Variants in PRPF18 observed in about 807,000 individuals in gnomAD.
PRPF18 encodes the protein pre-mRNA-splicing factor 18.
PRPF18 carries 38 observed loss-of-function variants against 46.5 expected under a neutral mutation model. The observed-to-expected ratio is 0.82, with a 90% CI of 0.63 to 1.07. The LOEUF (loss-of-function observed/expected upper bound fraction) is 1.07. Among genes scored for constraint, PRPF18 ranks in the 50% least tolerant of loss-of-function variants. PRPF18 has a pLI of 0.00. For synonymous variants in PRPF18, 152 were observed against 146.7 expected (o/e 1.04, Z -0.26); for missense variants, 263 against 410.0 (o/e 0.64, Z 3.10).
At chr10:13,592,597 C>T (rs1016807570) in intron 1 of PRPF18, among the ~76,000 whole-genome samples, 1 of 152,194 alleles carries the variant, frequency 6.6e-6, no homozygotes. Context: ...TATCCTCTTA[C>T]CACCTGTCCT....
intron 1 of PRPF18, among the ~76,000 whole-genome samples, chr10:13,590,416 T>G (rs1157932952): frequency 6.8e-6 from 1 of 146,138 alleles, no homozygotes; most frequent in Non-Finnish European, 1.5e-5. Flanking sequence ...GCTAACACGG[T>G]GAAACCCCAT....
the PRPF18 span, among the ~76,000 whole-genome samples, chr10:13,648,402 G>A: frequency 3.9e-5 from 6 of 152,222 alleles, no homozygotes; most frequent in South Asian, 2.1e-4. Context: ...GGCCTTGCAG[G>A]GGTCCTATGT....
At chr10:13,642,077 T>TTTGCTGGGAGCAC in the PRPF18 span, 1 of 152,082 alleles carries the variant, frequency 6.6e-6, no homozygotes. Context: ...GCTGGGAGCA[T>TTTGCTGGGAGCAC]GACTTTGTGC....
chr10:13,641,023 T>C, the PRPF18 span: 1 of 152,272 alleles, frequency 6.6e-6, no homozygotes, highest in African/African-American at 2.4e-5. Context: ...CCTCCAAATC[T>C]ACCAGCATCT....
intron 1 of PRPF18, chr10:13,591,924 G>C: frequency 7.6e-7 from 1 of 1,311,936 alleles, no homozygotes. Context: ...CGTGTCAACT[G>C]AGGGTTTTTT....
In PRPF18 at chr10:13,624,746, C is replaced by T. The variant is rs530987010; in HGVS notation, c.949-5514C>T. Among the ~76,000 whole-genome samples, 4 of 152,308 alleles carry T rather than the reference C, an allele frequency of 2.6e-5. No individual in the cohort carries two copies. The East Asian group carries it at 7.7e-4, about 29-fold the overall frequency. On this transcript the variant is annotated intron_variant, in intron 9 of 9. Coordinates refer to ENST00000378572, the MANE Select transcript of PRPF18 (RefSeq NM_003675.4). ...GGAGGATTCTGCTCTGTGAAACTGA[C>T]CCAAGAGAAAGCATCTGAGTTACTA...
Position 13,610,166 on chromosome 10 carries a change from C to T in PRPF18, c.491C>T (p.Thr164Ile), listed in dbSNP as rs1274624689. 6.2e-7 allele frequency: 1 copy of T among 1,613,896 alleles called. No homozygotes were observed. Among genetic ancestry groups the T allele is most frequent in the African/African-American group, 1.3e-5 (1 of 74,908 alleles). ...GATCTGAAAGTTCATGAGGAAAACA[C>T]CACAATTGAAGAGTTAGAGGTAATC... Reference protein sequence around the residue: ...QNDLKVHEENTTIEELEALGE... With the variant: ...QNDLKVHEENITIEELEALGE... The change falls in exon 5 of 10, where the codon ACC (threonine) becomes ATC (isoleucine). Residue 164 changes from threonine (T) to isoleucine (I), a missense_variant. Thr to Ile is a moderately conservative substitution (Grantham distance 89, BLOSUM62 -1). Transcript: ENST00000378572.
chr10:13,644,456 A>T, the PRPF18 span: 1 of 152,242 alleles, frequency 6.6e-6, no homozygotes, highest in African/African-American at 2.4e-5. Flanking sequence ...TGTTTTACTT[A>T]ATCTCTGTCT....
At chr10:13,587,315 C>A in intron 1 of PRPF18, 163 bp downstream of exon 1, 1 of 722,788 alleles carries the variant, frequency 1.4e-6, no homozygotes. Flanking sequence ...CAACCCTTGG[C>A]GTCTCACTGT....
At chr10:13,603,525 C>A (rs937222641) in intron 3 of PRPF18, among the ~76,000 whole-genome samples, 3 of 152,172 alleles carry the variant, frequency 2.0e-5, no homozygotes, top group African/African-American at 4.8e-5. Flanking sequence ...AGCACCCAAT[C>A]TTAAGCAGTG....
intron 6 of PRPF18, 92 bp from the exon 7 acceptor site, chr10:13,613,649 G>T: frequency 7.7e-7 from 1 of 1,300,468 alleles, no homozygotes; most frequent in South Asian, 1.5e-5. Context: ...CTTTAAGGAT[G>T]ATTGTATTCT....
intron 2 of PRPF18, among the ~76,000 whole-genome samples, chr10:13,599,298 G>A (rs1020864154): frequency 2.6e-5 from 4 of 151,990 alleles, no homozygotes; most frequent in East Asian, 1.9e-4. Context: ...AATTAGTTAC[G>A]GTAAACATAA....
intron 3 of PRPF18, 82 bp downstream of exon 3, chr10:13,600,430 C>T (rs1394305031): frequency 2.2e-5 from 23 of 1,049,748 alleles, no homozygotes; most frequent in East Asian, 8.1e-5. Flanking sequence ...ATAAGTTAAA[C>T]GTCATTATTT....
intron 4 of PRPF18, among the ~76,000 whole-genome samples, chr10:13,608,062 C>G (rs1171315587): frequency 6.6e-6 from 1 of 152,202 alleles, no homozygotes; most frequent in Non-Finnish European, 1.5e-5. Flanking sequence ...TACTCCAAAA[C>G]TTACTAGTGT....
At chr10:13,613,335 G>C (rs2080298257) in intron 6 of PRPF18, among the ~76,000 whole-genome samples, 1 of 152,100 alleles carries the variant, frequency 6.6e-6, no homozygotes, top group South Asian at 2.1e-4. Flanking sequence ...GTGCTTTCAT[G>C]GTTTTTAAAC....
At chr10:13,629,536 A>G (rs2080562293) in intron 9 of PRPF18, among the ~76,000 whole-genome samples, 1 of 152,220 alleles carries the variant, frequency 6.6e-6, no homozygotes, top group Admixed American at 6.5e-5. Flanking sequence ...ATTACCTTGC[A>G]CTTAAGTTTG....
the PRPF18 span, chr10:13,639,899 G>C: frequency 6.6e-6 from 1 of 152,226 alleles, no homozygotes; most frequent in Non-Finnish European, 1.5e-5. Flanking sequence ...TTTGCTTTCT[G>C]TTTCTAACAA....
the PRPF18 span, chr10:13,654,344 T>G: frequency 7.1e-6 from 7 of 987,030 alleles, no homozygotes; most frequent in Admixed American, 8.4e-5. Context: ...CATATCCTTA[T>G]GTCACCAGGA....
the PRPF18 span, chr10:13,643,497 G>A: frequency 1.3e-5 from 2 of 152,316 alleles, no homozygotes; most frequent in African/African-American, 2.4e-5. Flanking sequence ...GTTAACAGAA[G>A]GAAACTAGAA....
Sources: allele counts gnomAD v4.1 joint callset (sites outside exome capture counted in the v4.1 genomes callset), GRCh38; gene constraint gnomAD v4.1.1; transcripts MANE v1.5; gene names NCBI Gene and HGNC (gene_info 2026-07-23, HGNC 2026-07-21).